The following MAPK9 variants were observed in gnomAD, a reference collection of about 807,000 sequenced individuals.
MAPK9 encodes mitogen-activated protein kinase 9.
Under a neutral mutation model 57.1 loss-of-function variants are expected in MAPK9, and 30 were observed. That is an observed-to-expected ratio of 0.53 (90% confidence interval 0.39 to 0.71). The LOEUF is 0.71. Ranked by LOEUF, MAPK9 falls within the 30% of genes least tolerant of loss-of-function variation. MAPK9 has a pLI of 0.00. For missense variants in MAPK9, 362 were observed against 521.0 expected (o/e 0.69, Z 2.97); for synonymous variants, 155 against 177.0 (o/e 0.88, Z 0.99).
At chr5:180,241,306 T>C in intron 8 of MAPK9, 151 bp from the exon 9 acceptor site, 1 of 519,250 alleles carries the variant, frequency 1.9e-6, no homozygotes, top group East Asian at 5.5e-5. Flanking sequence ...AACCCAAAAT[T>C]TTTTTTTTTT....
chr5:180,280,011 AT>A (rs779802413), intron 2 of MAPK9: 33 of 456,820 alleles, frequency 7.2e-5, no homozygotes, highest in Non-Finnish European at 1.2e-4. Context: ...CTGCCAATGA[AT>A]GGCAAGGCAC....
chr5:180,280,237 T>C (rs988665538), intron 2 of MAPK9, among the ~76,000 whole-genome samples: 12 of 152,176 alleles, frequency 7.9e-5, no homozygotes, highest in Admixed American at 7.9e-4. Flanking sequence ...CCTATTTAAA[T>C]TCCTGCAGCA....
intron 11 of MAPK9, chr5:180,237,445 T>C (rs1285035625): frequency 1.3e-5 from 2 of 152,222 alleles, no homozygotes; most frequent in African/African-American, 4.8e-5. Context: ...CAGAGTCTCA[T>C]GATCATACAA....
rs1760959844 is a variant in MAPK9, at chr5:180,268,829, A to G, written c.252+451T>C. On this transcript the variant is annotated intron_variant, in intron 3 of 11. Coordinates refer to ENST00000452135, the MANE Select transcript of MAPK9 (RefSeq NM_002752.5). ...GCGACAGAGCGAGACTCCGTCTCCA[A>G]AAAAAAAGAATGTTATCAATAAAAA... is the stretch of plus-strand genomic sequence containing the variant. Among the ~76,000 whole-genome samples, 2 of 145,070 alleles carry G rather than the reference A, an allele frequency of 1.4e-5. 1 individual carries two copies. The highest frequency in any genetic ancestry group is 1.4e-4 in the Admixed American group (2 of 14,458).
chr5:180,246,387 TGA>T (rs895173794), intron 7 of MAPK9: 5 of 152,224 alleles, frequency 3.3e-5, no homozygotes, highest in Admixed American at 1.3e-4. Context: ...GTAAATAAAA[TGA>T]GAGAAATAAA....
At chr5:180,254,030 T>C (rs1759004805) in intron 5 of MAPK9, among the ~76,000 whole-genome samples, 1 of 137,320 alleles carries the variant, frequency 7.3e-6, no homozygotes, top group South Asian at 2.3e-4. Flanking sequence ...GCAATGGCAC[T>C]ATCTCAGCTC....
chr5:180,277,317 C>T (rs915206860), intron 2 of MAPK9, among the ~76,000 whole-genome samples: 8 of 152,208 alleles, frequency 5.3e-5, no homozygotes, highest in African/African-American at 1.7e-4. Flanking sequence ...GCTCCTTCTG[C>T]AGGCTCTGGG....
chr5:180,280,422 AAAACAGACCATACTTACC>A lies in MAPK9; in HGVS notation c.122_122+17del. 6.2e-7 allele frequency: 1 copy of A among 1,611,530 alleles called. No individual in the cohort carries two copies. Among genetic ancestry groups the A allele is most frequent in the Non-Finnish European group, 8.5e-7 (1 of 1,179,300 alleles). ...CAGCAAAAACTCAATCCACGCTATT[AAAACAGACCATACTTACC>A]AAACAATCCCTTGGGCCCCAGAGCC... On this transcript the variant is annotated splice_donor_variant and splice_donor_5th_base_variant and coding_sequence_variant and intron_variant, in exon 2 of 12. Transcript: ENST00000452135. LOFTEE classifies it high-confidence loss of function.
At chr5:180,281,479 T>C (rs35709437) in intron 1 of MAPK9, among the ~76,000 whole-genome samples, 1 of 152,368 alleles carries the variant, frequency 6.6e-6, no homozygotes, top group East Asian at 1.9e-4. Flanking sequence ...TGGTTATGCT[T>C]ATTTAAAAGT....
chr5:180,253,265 T>A (rs1758900735), intron 5 of MAPK9, among the ~76,000 whole-genome samples: 1 of 152,236 alleles, frequency 6.6e-6, no homozygotes, highest in Non-Finnish European at 1.5e-5. Context: ...CTCCTCTGGC[T>A]GCTCCCCCTT....
intron 3 of MAPK9, among the ~76,000 whole-genome samples, chr5:180,268,700 G>A (rs925059351): frequency 7.9e-5 from 12 of 151,986 alleles, no homozygotes; most frequent in Admixed American, 1.3e-4. Context: ...GGTGGCGGGC[G>A]CCTGTAGTCC....
intron 1 of MAPK9, among the ~76,000 whole-genome samples, chr5:180,291,480 C>G (rs1271738263): frequency 6.6e-6 from 1 of 152,204 alleles, no homozygotes; most frequent in Non-Finnish European, 1.5e-5. Flanking sequence ...TTCCCGAAGG[C>G]AAAACCGCGG....
chr5:180,286,741 G>A (rs1411765204), intron 1 of MAPK9, among the ~76,000 whole-genome samples: 1 of 152,178 alleles, frequency 6.6e-6, no homozygotes, highest in African/African-American at 2.4e-5. Context: ...ACCAGCGACA[G>A]CAGAAGCATT....
At chr5:180,241,224 T>C in intron 8 of MAPK9, 69 bp from the exon 9 acceptor site, 2 of 1,392,294 alleles carry the variant, frequency 1.4e-6, no homozygotes, top group Non-Finnish European at 2.0e-6. Flanking sequence ...AATAAAGAAC[T>C]AAATATGACA....
intron 2 of MAPK9, among the ~76,000 whole-genome samples, chr5:180,274,435 G>A (rs1443947550): frequency 6.6e-6 from 1 of 152,236 alleles, no homozygotes; most frequent in African/African-American, 2.4e-5. Context: ...AGGGAGATGT[G>A]AGTATGGGAA....
chr5:180,278,061 A>C (rs1431958286), intron 2 of MAPK9, among the ~76,000 whole-genome samples: 1 of 152,262 alleles, frequency 6.6e-6, no homozygotes, highest in Non-Finnish European at 1.5e-5. Context: ...ATTGTTTAAT[A>C]GGTGTTTAGT....
At chr5:180,279,475 T>C (rs1016992928) in intron 2 of MAPK9, among the ~76,000 whole-genome samples, 4 of 152,160 alleles carry the variant, frequency 2.6e-5, no homozygotes, top group Admixed American at 1.3e-4. Context: ...TCCCTGATCA[T>C]AGGTCTCCGC....
chr5:180,267,982 C>T (rs1260464015), intron 3 of MAPK9, among the ~76,000 whole-genome samples: 1 of 152,030 alleles, frequency 6.6e-6, no homozygotes, highest in East Asian at 1.9e-4. Context: ...CCCACCTCAC[C>T]CTCCTTAATT....
intron 1 of MAPK9, among the ~76,000 whole-genome samples, chr5:180,287,596 C>A (rs1335303848): frequency 6.6e-6 from 1 of 152,200 alleles, no homozygotes; most frequent in Non-Finnish European, 1.5e-5. Flanking sequence ...AGCGGACACA[C>A]CCAGCTACTG....
Sources: allele counts gnomAD v4.1 joint callset (sites outside exome capture counted in the v4.1 genomes callset), GRCh38; gene constraint gnomAD v4.1.1; transcripts MANE v1.5; gene names NCBI Gene and HGNC (gene_info 2026-07-23, HGNC 2026-07-21).